Variants in SPATA31A6 observed in about 807,000 individuals in gnomAD.
The protein encoded by SPATA31A6 is spermatogenesis-associated protein 31A6.
Under a neutral mutation model 11.9 loss-of-function variants are expected in SPATA31A6, and 9 were observed. The observed-to-expected ratio is 0.76, with a 90% CI of 0.46 to 1.32. The LOEUF is 1.32. SPATA31A6 is among the 40% of genes most tolerant of loss of function. SPATA31A6 has a pLI of 0.00. For synonymous variants in SPATA31A6, 314 were observed against 572.1 expected (o/e 0.55, Z 6.44); for missense variants, 855 against 1,467.3 (o/e 0.58, Z 6.82).
Position 42,183,779 on chromosome 9 carries a change from C to T in SPATA31A6, c.92C>T (p.Thr31Ile), listed in dbSNP as rs560988044. 6 of 1,535,874 alleles carry T rather than the reference C, an allele frequency of 3.9e-6. 1 individual carries two copies. In the African/African-American group the frequency reaches 9.6e-5, roughly 25 times the overall value. The change falls in exon 1 of 4, where the codon ACC becomes ATC. Residue 31 changes from threonine to isoleucine, a missense_variant. Thr to Ile is a moderately conservative substitution (Grantham distance 89). Coordinates refer to ENST00000332857, the MANE Select transcript of SPATA31A6 (RefSeq NM_001145196.1). Reference sequence around the variant, plus strand: ...CCATGGGTGTTGGATATCTTCCTCACCTTGGTGTTTGCCCTGGGGTTCTTC... The same window carrying T: ...CCATGGGTGTTGGATATCTTCCTCATCTTGGTGTTTGCCCTGGGGTTCTTC... ...STPWVLDIFL[T>I]LVFALGFFFL...
At chr9:42,185,278 G>A in intron 2 of SPATA31A6, 152 bp downstream of exon 2, 2 of 1,092,346 alleles carry the variant, frequency 1.8e-6, no homozygotes, top group East Asian at 2.8e-5. Context: ...ATGCGGGAAT[G>A]AAGCCATGGT....
Position 42,184,983 on chromosome 9 carries a change from G to C in SPATA31A6, c.190-86G>C, listed in dbSNP as rs1208034556. On this transcript the variant is annotated intron_variant, in intron 1 of 3. Coordinates refer to ENST00000332857, the MANE Select transcript of SPATA31A6 (RefSeq NM_001145196.1). ...GGGCTGGAGCAGAGAGGGAGAGCCA[G>C]TCCTAGCTTCTCGCCCTTTCTTGTC... The C allele has an allele frequency of 1.4e-6, 2 of 1,391,736 alleles. 1 individual carries two copies. Among genetic ancestry groups the C allele is most frequent in the Non-Finnish European group, 2.0e-6 (2 of 1,014,180 alleles). The allele number at this position is 1,391,736 out of a possible 1,614,324, so 86.2% of individuals were successfully genotyped here.
chr9:42,185,702 A>T lies in SPATA31A6; in HGVS notation c.255A>T (p.Arg85Ser), dbSNP rs771642555. 4 of 1,427,414 alleles carry T rather than the reference A, an allele frequency of 2.8e-6. 1 individual carries two copies. The South Asian group carries it at 4.8e-5, about 17-fold the overall frequency. The allele number at this position is 1,427,414 out of a possible 1,614,324, so 88.4% of individuals were successfully genotyped here. A position where few individuals can be genotyped will look rare whatever the true frequency, so the allele number is the denominator to read the frequency against. The part of the protein sequence containing the change: ...RMKNHSLRAG[R>S]ECPRGLEETS... ...CAGTCTCCTGATTTCCAGCTGGTAG[A>T]GAGTGCCCGAGAGGCCTGGAGGAGA... The change falls in exon 3 of 4, where the codon AGA (arginine) becomes AGT (serine). Residue 85 changes from arginine (R) to serine (S), a missense_variant. Coordinates refer to ENST00000332857, the MANE Select transcript of SPATA31A6 (RefSeq NM_001145196.1).
chr9:42,186,787 C>A lies in SPATA31A6; in HGVS notation c.1085C>A (p.Ser362Tyr), dbSNP rs551290883. 25 of 1,531,938 alleles carry A rather than the reference C, an allele frequency of 1.6e-5. 3 individuals carry two copies. The highest frequency in any genetic ancestry group is 1.4e-4 in the South Asian group (12 of 87,358). The allele number at this position is 1,531,938 out of a possible 1,614,324, so 94.9% of individuals were successfully genotyped here. Residue 362 changes from serine to tyrosine, a missense_variant, in exon 4 of 4, where the codon TCT (serine) becomes TAT (tyrosine). By Grantham distance (144) the Ser-to-Tyr change is moderately radical (BLOSUM62 -2). Coordinates refer to ENST00000332857, the MANE Select transcript of SPATA31A6 (RefSeq NM_001145196.1). ...NQMTPEKHLNSLGNLAKSLDA... is the reference protein window; with the variant it reads ...NQMTPEKHLNYLGNLAKSLDA... ...ATGACCCCAGAAAAGCACTTAAATT[C>A]TTTGGGGAATTTGGCTAAATCATTG...
In SPATA31A6 at chr9:42,187,685, G is replaced by A. The variant is rs765067786; in HGVS notation, c.1983G>A (p.Arg661=). 569 of 1,520,530 alleles carry A rather than the reference G, an allele frequency of 3.7e-4. 112 individuals are homozygous for A. In the South Asian group the frequency reaches 6.0e-3, roughly 16 times the overall value. The allele number at this position is 1,520,530 out of a possible 1,614,324, so 94.2% of individuals were successfully genotyped here. A position where few individuals can be genotyped will look rare whatever the true frequency, so the allele number is the denominator to read the frequency against. ...AGAAGGTGAAGTTCCAGCTAGAGAGGGACCTGTGCCCACATCTGGGGCAAA... is the reference window on the plus strand; with the variant it reads ...AGAAGGTGAAGTTCCAGCTAGAGAGAGACCTGTGCCCACATCTGGGGCAAA... The part of the protein sequence containing the change: ...EAQKVKFQLE[R]DLCPHLGQIL... Residue 661 remains arginine (R), a synonymous_variant, in exon 4 of 4, where the codon AGG becomes AGA. Coordinates refer to ENST00000332857, the MANE Select transcript of SPATA31A6 (RefSeq NM_001145196.1).
chr9:42,184,976 A>G lies in SPATA31A6; in HGVS notation c.190-93A>G. On this transcript the variant is annotated intron_variant, in intron 1 of 3. Coordinates refer to ENST00000332857, the MANE Select transcript of SPATA31A6 (RefSeq NM_001145196.1). ...TGCGGCTGGGCTGGAGCAGAGAGGG[A>G]GAGCCAGTCCTAGCTTCTCGCCCTT... is the stretch of plus-strand genomic sequence containing the variant. The G allele has an allele frequency of 2.8e-6, 4 of 1,407,992 alleles. 1 individual carries two copies. Among genetic ancestry groups the G allele is most frequent in the Non-Finnish European group, 3.9e-6 (4 of 1,027,174 alleles). The allele number at this position is 1,407,992 out of a possible 1,614,324, so 87.2% of individuals were successfully genotyped here.
At position 42,187,286 on chromosome 9, in the gene SPATA31A6, G is replaced by A. The variant is rs762166277; in HGVS notation, c.1584G>A (p.Val528=). Residue 528 remains valine (V), a synonymous_variant, in exon 4 of 4, where the codon GTG becomes GTA. Coordinates refer to ENST00000332857, the MANE Select transcript of SPATA31A6 (RefSeq NM_001145196.1). ...CTTGCCCTGCATCGCAGAATAAAGTGCAAGCTCTCTCCCTACCTGAAACTC... is the reference window on the plus strand; with the variant it reads ...CTTGCCCTGCATCGCAGAATAAAGTACAAGCTCTCTCCCTACCTGAAACTC... The part of the protein sequence containing the change: ...GVACPASQNK[V]QALSLPETQH... The A allele has an allele frequency of 2.1e-5, 32 of 1,541,036 alleles. 8 individuals are homozygous for A. The East Asian group carries it at 6.5e-4, about 31-fold the overall frequency.
Position 42,186,871 on chromosome 9 carries a change from A to G in SPATA31A6, c.1169A>G (p.Lys390Arg). The stretch of plus-strand genomic sequence containing the variant: ...TTCTGGAACATGGGAGAGAACTCGA[A>G]ACAGCTGCCCGGACCTCAGAAGTGC... ...KPFWNMGENS[K>R]QLPGPQKCSD... Residue 390 changes from lysine (K) to arginine (R), a missense_variant, in exon 4 of 4, where the codon AAA (lysine) becomes AGA (arginine). Lys to Arg is a conservative substitution (Grantham distance 26, BLOSUM62 2). Transcript: ENST00000332857. 6.5e-7 allele frequency: 1 copy of G among 1,536,576 alleles called. No individual in the cohort carries two copies. Among genetic ancestry groups the G allele is most frequent in the East Asian group, 2.4e-5 (1 of 42,120 alleles).
intron 1 of SPATA31A6, among the ~76,000 whole-genome samples, chr9:42,184,279 C>G (rs2257479): frequency 2.4e-5 from 3 of 124,464 alleles, no homozygotes; most frequent in Non-Finnish European, 3.4e-5. Context: ...GCTGGGCCCC[C>G]GAGGGCCTCC....
chr9:42,184,776 C>A (rs1343403894), intron 1 of SPATA31A6, among the ~76,000 whole-genome samples: 1 of 136,938 alleles, frequency 7.3e-6, no homozygotes, highest in South Asian at 2.3e-4. Context: ...GATCAACCCA[C>A]CTTGGCCTCC....
chr9:42,189,402 A>G lies in SPATA31A6; in HGVS notation c.3700A>G (p.Lys1234Glu). Reference protein sequence around the residue: ...HASKVNQHKQKFQAPVCGFPC... With the variant: ...HASKVNQHKQEFQAPVCGFPC... ...CTCGAAGGTAAATCAGCACAAACAGAAGTTTCAAGCCCCAGTCTGTGGGTT... is the reference window on the plus strand; with the variant it reads ...CTCGAAGGTAAATCAGCACAAACAGGAGTTTCAAGCCCCAGTCTGTGGGTT... The change falls in exon 4 of 4, where the codon AAG becomes GAG. Residue 1234 changes from lysine to glutamate, a missense_variant. Transcript: ENST00000332857. 1 of 1,564,418 alleles carries G rather than the reference A, an allele frequency of 6.4e-7. No homozygotes were observed. Among genetic ancestry groups the G allele is most frequent in the South Asian group, 1.1e-5 (1 of 87,892 alleles).
Position 42,185,652 on chromosome 9 carries a change from A to G in SPATA31A6, c.248-43A>G, listed in dbSNP as rs1195827303. The G allele has an allele frequency of 4.1e-6, 6 of 1,468,222 alleles. 1 individual carries two copies. Among genetic ancestry groups the G allele is most frequent in the African/African-American group, 3.3e-5 (2 of 61,330 alleles). The allele number at this position is 1,468,222 out of a possible 1,614,324, so 90.9% of individuals were successfully genotyped here. A position where few individuals can be genotyped will look rare whatever the true frequency, so the allele number is the denominator to read the frequency against. The stretch of plus-strand genomic sequence containing the variant: ...GCCACTCAGCCTCCTGTGAGATCCC[A>G]GGCCCCTCCCTCACTGCCCTAACCC... On this transcript the variant is annotated intron_variant, in intron 2 of 3. Coordinates refer to ENST00000332857, the MANE Select transcript of SPATA31A6 (RefSeq NM_001145196.1).
chr9:42,189,019 G>A lies in SPATA31A6; in HGVS notation c.3317G>A (p.Ser1106Asn), dbSNP rs1217333841. The stretch of plus-strand genomic sequence containing the variant: ...CCAATGTTTCCCCCTATTCACAAGA[G>A]TGAGAAGTCTAGGAAGCCCAACTTA... ...QRPMFPPIHK[S>N]EKSRKPNLEK... The change falls in exon 4 of 4, where the codon AGT becomes AAT. Residue 1106 changes from serine to asparagine, a missense_variant. Physicochemically the swap from Ser to Asn is conservative, Grantham distance 46 (BLOSUM62 1). Transcript: ENST00000332857. The A allele has an allele frequency of 3.2e-6, 5 of 1,556,066 alleles. No individual in the cohort carries two copies. Among genetic ancestry groups the A allele is most frequent in the South Asian group, 1.1e-5 (1 of 87,758 alleles).
At position 42,186,848 on chromosome 9, in the gene SPATA31A6, CT is replaced by C; in HGVS notation, c.1147del (p.Trp383GlyfsTer51). The C allele has an allele frequency of 6.5e-7, 1 of 1,535,740 alleles. No homozygotes were observed. The highest frequency in any genetic ancestry group is 8.8e-7 in the Non-Finnish European group (1 of 1,142,292). On this transcript the variant is annotated frameshift_variant, in exon 4 of 4. Coordinates refer to ENST00000332857, the MANE Select transcript of SPATA31A6 (RefSeq NM_001145196.1). LOFTEE classifies it low-confidence loss of function (END_TRUNC). ...AGGACACCACAAACCCAAAACCCTT[CT>C]GGAACATGGGAGAGAACTCGAAACA... ...EQDTTNPKPF[W>X]NMGENSKQLP...
In SPATA31A6 at chr9:42,187,296, T is replaced by C. The variant is rs199981050; in HGVS notation, c.1594T>C (p.Ser532Pro). ...ATCGCAGAATAAAGTGCAAGCTCTC[T>C]CCCTACCTGAAACTCAGCACCCTGA... ...PASQNKVQALSLPETQHPEWP... is the reference protein window; with the variant it reads ...PASQNKVQALPLPETQHPEWP... The change falls in exon 4 of 4, where the codon TCC becomes CCC. Residue 532 changes from serine to proline, a missense_variant. Coordinates refer to ENST00000332857, the MANE Select transcript of SPATA31A6 (RefSeq NM_001145196.1). 63 of 1,540,586 alleles carry C rather than the reference T, an allele frequency of 4.1e-5. 14 individuals carry two copies. The highest frequency in any genetic ancestry group is 1.2e-4 in the East Asian group (5 of 41,720).
At position 42,187,328 on chromosome 9, in the gene SPATA31A6, T is replaced by C. The variant is rs750893745; in HGVS notation, c.1626T>C (p.Pro542=). The C allele has an allele frequency of 3.9e-6, 6 of 1,539,682 alleles. 2 individuals are homozygous for C. In the African/African-American group the frequency reaches 9.3e-5, roughly 24 times the overall value. The change falls in exon 4 of 4, where the codon CCT becomes CCC. Residue 542 remains proline, a synonymous_variant. Transcript: ENST00000332857. Reference sequence around the variant, plus strand: ...CTGAAACTCAGCACCCTGAATGGCCTTTGTTGAGGAAACAACTAGAAGGTA... The same window carrying C: ...CTGAAACTCAGCACCCTGAATGGCCCTTGTTGAGGAAACAACTAGAAGGTA... ...SLPETQHPEW[P]LLRKQLEGRL...
In SPATA31A6 at chr9:42,187,581, C is replaced by T. The variant is rs1178503914; in HGVS notation, c.1879C>T (p.Pro627Ser). 7 of 1,269,092 alleles carry T rather than the reference C, an allele frequency of 5.5e-6. 2 individuals are homozygous for T. The East Asian group carries it at 1.2e-4, about 21-fold the overall frequency. The allele number at this position is 1,269,092 out of a possible 1,614,324, so 78.6% of individuals were successfully genotyped here. A position where few individuals can be genotyped will look rare whatever the true frequency, so the allele number is the denominator to read the frequency against. The change falls in exon 4 of 4, where the codon CCA becomes TCA. Residue 627 changes from proline (P) to serine (S), a missense_variant. Coordinates refer to ENST00000332857, the MANE Select transcript of SPATA31A6 (RefSeq NM_001145196.1). Reference sequence around the variant, plus strand: ...TCTGATGCAGCTTCGGGACGAATCACCAGGGACAAGTCAGGCCAAGGGCAA... The same window carrying T: ...TCTGATGCAGCTTCGGGACGAATCATCAGGGACAAGTCAGGCCAAGGGCAA... The part of the protein sequence containing the change: ...LDLMQLRDES[P>S]GTSQAKGKPS...
At position 42,186,827 on chromosome 9, in the gene SPATA31A6, C is replaced by G; in HGVS notation, c.1125C>G (p.Asp375Glu). The G allele has an allele frequency of 2.6e-6, 4 of 1,535,096 alleles. 1 individual carries two copies. The highest frequency in any genetic ancestry group is 2.6e-6 in the Non-Finnish European group (3 of 1,142,266). The change falls in exon 4 of 4, where the codon GAC becomes GAG. Residue 375 changes from aspartate (D) to glutamate (E), a missense_variant. By Grantham distance (45) the Asp-to-Glu change is conservative. Coordinates refer to ENST00000332857, the MANE Select transcript of SPATA31A6 (RefSeq NM_001145196.1). ...CTAAATCATTGGATGCTGAGCAGGA[C>G]ACCACAAACCCAAAACCCTTCTGGA... ...NLAKSLDAEQ[D>E]TTNPKPFWNM... is the part of the protein sequence containing the mutation.
Position 42,189,412 on chromosome 9 carries a change from C to A in SPATA31A6, c.3710C>A (p.Ala1237Asp), listed in dbSNP as rs538812666. The change falls in exon 4 of 4, where the codon GCC becomes GAC. Residue 1237 changes from alanine (A) to aspartate (D), a missense_variant. Physicochemically the swap from Ala to Asp is moderately radical, Grantham distance 126. Transcript: ENST00000332857. ...AATCAGCACAAACAGAAGTTTCAAG[C>A]CCCAGTCTGTGGGTTTCCCTGCAAC... is the stretch of plus-strand genomic sequence containing the variant. The part of the protein sequence containing the change: ...KVNQHKQKFQ[A>D]PVCGFPCNHR... 1.6e-5 allele frequency: 25 copies of A among 1,564,612 alleles called. 3 individuals are homozygous for A. In the South Asian group the frequency reaches 1.9e-4, roughly 12 times the overall value.
Sources: gnomAD v4.1 joint callset for allele counts (sites outside exome capture counted in the v4.1 genomes callset) on GRCh38, gnomAD v4.1.1 for gene constraint, MANE v1.5 for transcripts, NCBI Gene and HGNC (gene_info 2026-07-23, HGNC 2026-07-21) for gene names.